The following SLC36A1 variants were observed in gnomAD, a reference collection of about 807,000 sequenced individuals.
The protein encoded by SLC36A1 is proton-coupled amino acid transporter 1.
Under a neutral mutation model 47.5 loss-of-function variants are expected in SLC36A1, and 30 were observed. That is an observed-to-expected ratio of 0.63 (90% CI 0.47 to 0.86). The LOEUF (loss-of-function observed/expected upper bound fraction) is 0.86. SLC36A1 is among the 40% of genes least tolerant of loss of function. SLC36A1 has a pLI of 0.00. For missense variants in SLC36A1, 517 were observed against 606.0 expected, an observed-to-expected ratio of 0.85 and a Z score of 1.54; for synonymous variants, 255 against 249.7, an observed-to-expected ratio of 1.02 and a Z score of -0.20.
chr5:151,524,081 A>G, the SLC36A1 span, among the ~76,000 whole-genome samples: 10 of 152,132 alleles, frequency 6.6e-5, no homozygotes, highest in African/African-American at 2.4e-4. Flanking sequence ...AGCTTGGATG[A>G]CTTCTCACTG....
chr5:151,364,392 C>A, the SLC36A1 span, among the ~76,000 whole-genome samples: 1 of 152,160 alleles, frequency 6.6e-6, no homozygotes, highest in Non-Finnish European at 1.5e-5. Context: ...TTTTGAGAAA[C>A]TGCCAAACTG....
the SLC36A1 span, among the ~76,000 whole-genome samples, chr5:151,368,757 A>G: frequency 4.6e-5 from 7 of 152,246 alleles, no homozygotes; most frequent in South Asian, 1.5e-3. Flanking sequence ...TAAGAGTGTG[A>G]CTAATGACTT....
chr5:151,512,690 G>T, the SLC36A1 span: 4 of 1,301,744 alleles, frequency 3.1e-6, no homozygotes, highest in Admixed American at 2.5e-5. The surrounding 1 kb of genome is among the most constrained non-coding windows in gnomAD (Gnocchi z 4.1). Flanking sequence ...AAAGAATGTT[G>T]TTTGTATTTT....
rs1243108823 is a variant in SLC36A1, at chr5:151,488,468, C to G, written c.*214C>G. ...CGCAGAAGTGCTACTAGTGACAGGG[C>G]TGCCATCGCTCACCTGTACCTATTT... On this transcript the variant is annotated 3_prime_UTR_variant, in exon 11 of 11. Coordinates refer to ENST00000243389, the MANE Select transcript of SLC36A1 (RefSeq NM_078483.4). The G allele has an allele frequency of 1.6e-6, 1 of 609,676 alleles. No homozygotes were observed. The highest frequency in any genetic ancestry group is 1.9e-5 in the African/African-American group (1 of 53,986). The allele number at this position is 609,676 out of a possible 1,614,324, so 37.8% of individuals were successfully genotyped here.
chr5:151,473,060 C>T (rs1211495306), intron 7 of SLC36A1, among the ~76,000 whole-genome samples: 1 of 152,138 alleles, frequency 6.6e-6, no homozygotes, highest in South Asian at 2.1e-4. Flanking sequence ...GTCCTAGCCA[C>T]TCAGGAGGCT....
At chr5:151,522,226 A>T in the SLC36A1 span, 1 of 596,612 alleles carries the variant, frequency 1.7e-6, no homozygotes, top group Non-Finnish European at 2.8e-6. Context: ...TGTTGCATTT[A>T]GAAAAAAAAA....
At chr5:151,395,112 C>T in the SLC36A1 span, among the ~76,000 whole-genome samples, 5 of 152,228 alleles carry the variant, frequency 3.3e-5, no homozygotes, top group Non-Finnish European at 7.3e-5. Context: ...ATGGTTGGCA[C>T]CCCTCCCACA....
At chr5:151,538,953 T>C in the SLC36A1 span, among the ~76,000 whole-genome samples, 1 of 152,104 alleles carries the variant, frequency 6.6e-6, no homozygotes. Flanking sequence ...CCCAAAGTGC[T>C]TGGATTACAG....
chr5:151,553,890 G>C, the SLC36A1 span, among the ~76,000 whole-genome samples: 57 of 152,352 alleles, frequency 3.7e-4, no homozygotes, highest in African/African-American at 1.3e-3. Context: ...TCACCTGCCA[G>C]ATGAAATGCT....
At chr5:151,519,753 A>AT in the SLC36A1 span, among the ~76,000 whole-genome samples, 1 of 152,176 alleles carries the variant, frequency 6.6e-6, no homozygotes, top group Admixed American at 6.5e-5. Context: ...TTTCACTAAA[A>AT]TGTTAAAAAA....
At chr5:151,361,282 T>C in the SLC36A1 span, among the ~76,000 whole-genome samples, 2 of 152,236 alleles carry the variant, frequency 1.3e-5, no homozygotes, top group Admixed American at 1.3e-4. Flanking sequence ...CACAATGATA[T>C]AATTGGACAA....
chr5:151,531,355 C>A, the SLC36A1 span, among the ~76,000 whole-genome samples: 1 of 152,170 alleles, frequency 6.6e-6, no homozygotes, highest in African/African-American at 2.4e-5. The surrounding 1 kb of genome is among the most constrained non-coding windows in gnomAD (Gnocchi z 5.7). Flanking sequence ...ACACAGAGAC[C>A]TGGCTGCGGA....
At chr5:151,406,242 C>A in the SLC36A1 span, among the ~76,000 whole-genome samples, 1 of 152,176 alleles carries the variant, frequency 6.6e-6, no homozygotes, top group South Asian at 2.1e-4. Context: ...ACCTGCAGGT[C>A]CTCTGAGCTT....
the SLC36A1 span, among the ~76,000 whole-genome samples, chr5:151,408,870 G>C: frequency 6.6e-6 from 1 of 152,154 alleles, no homozygotes; most frequent in East Asian, 1.9e-4. Flanking sequence ...TTCCAGGAAG[G>C]ATTTGTTTGT....
chr5:151,469,510 T>C (rs1434949744), intron 7 of SLC36A1, among the ~76,000 whole-genome samples: 1 of 152,210 alleles, frequency 6.6e-6, no homozygotes, highest in Non-Finnish European at 1.5e-5. Flanking sequence ...AGGCCATGGA[T>C]AATTTTTAGT....
the SLC36A1 span, among the ~76,000 whole-genome samples, chr5:151,539,323 T>C: frequency 6.6e-6 from 1 of 152,236 alleles, no homozygotes; most frequent in Non-Finnish European, 1.5e-5. Context: ...TTTATGTGTG[T>C]TGCAAGGTAT....
At chr5:151,432,363 A>G (rs1759406052), upstream of SLC36A1, among the ~76,000 whole-genome samples, 1 of 151,952 alleles carries the variant, frequency 6.6e-6, no homozygotes, top group Non-Finnish European at 1.5e-5. Flanking sequence ...CTTGCATTGC[A>G]CTGTCTTCCC....
chr5:151,546,276 C>T, the SLC36A1 span: 2 of 1,614,116 alleles, frequency 1.2e-6, no homozygotes, highest in Non-Finnish European at 1.7e-6. Context: ...CCTGATCAAG[C>T]TTTTGAGCTA....
chr5:151,521,663 C>G, the SLC36A1 span: 2 of 1,614,084 alleles, frequency 1.2e-6, no homozygotes, highest in Non-Finnish European at 1.7e-6. Flanking sequence ...TGGTCACTCA[C>G]CAGCTCCTCG....
Sources: allele counts gnomAD v4.1 joint callset (sites outside exome capture counted in the v4.1 genomes callset), GRCh38; gene constraint gnomAD v4.1.1; non-coding constraint Gnocchi (gnomAD v3.1); transcripts MANE v1.5; gene names NCBI Gene and HGNC (gene_info 2026-07-23, HGNC 2026-07-21).